Variants in ARNT2 observed in about 807,000 individuals in gnomAD.
The protein encoded by ARNT2 is ARNT protein 2.
Under a neutral mutation model 91.7 loss-of-function variants are expected in ARNT2, and 36 were observed. That is an observed-to-expected ratio of 0.39 (90% confidence interval 0.30 to 0.52). The LOEUF (loss-of-function observed/expected upper bound fraction) is 0.52, where lower values mean the gene tolerates loss of function less well. Among genes scored for constraint, ARNT2 ranks in the 20% least tolerant of loss-of-function variants. The probability of loss-of-function intolerance (pLI) is 0.72; values close to 1 mark genes in which losing one functional copy is unlikely to be tolerated. For synonymous variants in ARNT2, 365 were observed against 347.1 expected, an observed-to-expected ratio of 1.05 and a Z score of -0.57; for missense variants, 775 against 939.3, an observed-to-expected ratio of 0.83 and a Z score of 2.29.
chr15:80,501,725 G>C (rs1897197738), intron 5 of ARNT2, among the ~76,000 whole-genome samples: 1 of 152,138 alleles, frequency 6.6e-6, no homozygotes, highest in Non-Finnish European at 1.5e-5. Context: ...TTCTCTAAGG[G>C]GGTTTGTTGA....
chr15:80,498,508 AAAAGCTAGGCTGTCCCAGCC>A (rs2141416603), intron 5 of ARNT2, among the ~76,000 whole-genome samples: 1 of 152,328 alleles, frequency 6.6e-6, no homozygotes, highest in Admixed American at 6.5e-5. Flanking sequence ...GACAATAGGC[AAAAGCTAGGCTGTCCCAGCC>A]AAAGCTGGAA....
Position 80,593,910 on chromosome 15 carries a change from T to G in ARNT2, c.*212T>G. ...CACTGACCAGGGGCCCTGGCAGACA[T>G]TAGGGGATCAGTTGTATTTATTGTA... On this transcript the variant is annotated 3_prime_UTR_variant, in exon 19 of 19. Coordinates refer to ENST00000303329, the MANE Select transcript of ARNT2 (RefSeq NM_014862.4). 1 of 574,012 alleles carries G rather than the reference T, an allele frequency of 1.7e-6. No homozygotes were observed. The highest frequency in any genetic ancestry group is 3.1e-6 in the Non-Finnish European group (1 of 322,028). 35.6% of individuals were successfully genotyped at this position (574,012 alleles called of 1,614,324 possible).
intron 4 of ARNT2, among the ~76,000 whole-genome samples, chr15:80,474,522 C>G (rs1896772926): frequency 6.6e-6 from 1 of 152,200 alleles, no homozygotes; most frequent in Non-Finnish European, 1.5e-5. Flanking sequence ...AGGGTACTTT[C>G]AGTACGGCAA....
chr15:80,446,101 C>G (rs1567181590), intron 1 of ARNT2, among the ~76,000 whole-genome samples: 1 of 152,084 alleles, frequency 6.6e-6, no homozygotes, highest in Non-Finnish European at 1.5e-5. Flanking sequence ...ATCCTCATAA[C>G]TCCAGGAGGT....
At chr15:80,495,261 G>C (rs1229635140) in intron 5 of ARNT2, among the ~76,000 whole-genome samples, 1 of 152,146 alleles carries the variant, frequency 6.6e-6, no homozygotes, top group Non-Finnish European at 1.5e-5. Context: ...GGGTCAGCAG[G>C]AGCCCATTCT....
chr15:80,458,075 C>A, intron 3 of ARNT2, 99 bp downstream of exon 3: 3 of 1,312,608 alleles, frequency 2.3e-6, no homozygotes, highest in South Asian at 1.3e-5. Context: ...TTGCAAAAGC[C>A]ATTGCCTGCA....
intron 3 of ARNT2, among the ~76,000 whole-genome samples, chr15:80,461,379 T>C (rs948181622): frequency 9.9e-5 from 15 of 152,068 alleles, no homozygotes; most frequent in Admixed American, 5.9e-4. Flanking sequence ...GTGGGTCCAA[T>C]GGCAGAGGGA....
intron 1 of ARNT2, among the ~76,000 whole-genome samples, chr15:80,432,292 A>G (rs1357427387): frequency 1.3e-5 from 2 of 152,250 alleles, no homozygotes; most frequent in East Asian, 3.9e-4. Context: ...CCTCTTCTTG[A>G]ATTTTCTGGG....
chr15:80,571,348 A>G (rs896311354), intron 12 of ARNT2, among the ~76,000 whole-genome samples: 3 of 152,120 alleles, frequency 2.0e-5, no homozygotes, highest in Admixed American at 2.0e-4. Flanking sequence ...GGAGCTGAGG[A>G]GAGTTGGTAA....
chr15:80,432,380 C>T (rs1182050527), intron 1 of ARNT2, among the ~76,000 whole-genome samples: 1 of 152,092 alleles, frequency 6.6e-6, no homozygotes, highest in African/African-American at 2.4e-5. Context: ...TTGTATGGGC[C>T]ATGAGCTGAG....
At chr15:80,420,493 A>G (rs1298878774) in intron 1 of ARNT2, among the ~76,000 whole-genome samples, 1 of 152,130 alleles carries the variant, frequency 6.6e-6, no homozygotes, top group Non-Finnish European at 1.5e-5. Context: ...GGTGTATTAA[A>G]TGCATTTTTG....
intron 8 of ARNT2, among the ~76,000 whole-genome samples, chr15:80,535,769 A>T (rs1395993777): frequency 6.6e-6 from 1 of 151,142 alleles, no homozygotes; most frequent in Non-Finnish European, 1.5e-5. Flanking sequence ...GGCCCCGGAC[A>T]TGCTTTCCTC....
intron 13 of ARNT2, 126 bp downstream of exon 13, chr15:80,574,346 A>G (rs1248174897): frequency 6.6e-6 from 6 of 905,836 alleles, no homozygotes; most frequent in Admixed American, 5.9e-5. Context: ...CTACAATGGA[A>G]AGAGCAGACC....
At chr15:80,588,611 C>G (rs1354335165) in intron 17 of ARNT2, among the ~76,000 whole-genome samples, 1 of 152,190 alleles carries the variant, frequency 6.6e-6, no homozygotes, top group Non-Finnish European at 1.5e-5. Flanking sequence ...CCTCTTCCAT[C>G]CTGAGCCACC....
At chr15:80,518,729 A>G (rs1179815923) in intron 8 of ARNT2, among the ~76,000 whole-genome samples, 1 of 152,088 alleles carries the variant, frequency 6.6e-6, no homozygotes, top group Non-Finnish European at 1.5e-5. Flanking sequence ...TGTGACCTTC[A>G]CAAGTGTTTC....
intron 1 of ARNT2, among the ~76,000 whole-genome samples, chr15:80,430,600 G>C (rs1317865579): frequency 2.6e-5 from 4 of 152,202 alleles, no homozygotes; most frequent in African/African-American, 9.7e-5. Context: ...CAGTCCCTCT[G>C]TGCTGGCTTC....
intron 1 of ARNT2, among the ~76,000 whole-genome samples, chr15:80,432,301 G>T (rs1209985540): frequency 2.0e-5 from 3 of 152,134 alleles, no homozygotes; most frequent in African/African-American, 7.2e-5. Flanking sequence ...GAATTTTCTG[G>T]GACCTGATGC....
intron 8 of ARNT2, among the ~76,000 whole-genome samples, chr15:80,545,559 A>T (rs1897977660): frequency 6.6e-6 from 1 of 152,224 alleles, no homozygotes; most frequent in African/African-American, 2.4e-5. Flanking sequence ...GAGCTAACTG[A>T]AGTCGAAGCA....
chr15:80,543,088 C>T (rs1166552763), intron 8 of ARNT2, among the ~76,000 whole-genome samples: 1 of 131,386 alleles, frequency 7.6e-6, no homozygotes, highest in Non-Finnish European at 1.6e-5. Context: ...CAGAGCCAGA[C>T]CCGGTCAAAA....
Sources: gnomAD v4.1 joint callset for allele counts (sites outside exome capture counted in the v4.1 genomes callset) on GRCh38, gnomAD v4.1.1 for gene constraint, MANE v1.5 for transcripts, NCBI Gene and HGNC (gene_info 2026-07-23, HGNC 2026-07-21) for gene names.